RHEX: variants seen among roughly 807,000 people sequenced by gnomAD.
RHEX encodes the protein regulator of hemoglobinization and erythroid cell expansion protein.
In RHEX, 18 loss-of-function variants were observed where a neutral mutation model predicts 20.1. The observed-to-expected ratio is 0.90, with a 90% CI of 0.62 to 1.33. The LOEUF (loss-of-function observed/expected upper bound fraction) is 1.33, where lower values mean the gene tolerates loss of function less well. Ranked by LOEUF, RHEX falls within the 40% of genes most tolerant of loss-of-function variation. The pLI, the probability that RHEX is intolerant of heterozygous loss-of-function variation, is 0.00. For synonymous variants in RHEX, 87 were observed against 77.1 expected (o/e 1.13, Z -0.67); for missense variants, 192 against 214.3 (o/e 0.90, Z 0.65).
chr1:206,076,886 G>A (rs540008876), intron 1 of RHEX, among the ~76,000 whole-genome samples: 10 of 152,290 alleles, frequency 6.6e-5, no homozygotes, highest in African/African-American at 1.9e-4. Context: ...ATGGTTTTGT[G>A]TATTACATGT....
Sources: allele counts gnomAD v4.1 joint callset (sites outside exome capture counted in the v4.1 genomes callset), GRCh38; gene constraint gnomAD v4.1.1; transcripts MANE v1.5; gene names NCBI Gene and HGNC (gene_info 2026-07-23, HGNC 2026-07-21).